The following FYB1 variants were observed in gnomAD, a reference collection of about 807,000 sequenced individuals.
FYB1 encodes FYN binding protein 1.
A neutral mutation model predicts 94.1 loss-of-function variants in FYB1; 41 were observed. That is an observed-to-expected ratio of 0.44 (90% CI 0.34 to 0.57). FYB1 has a LOEUF of 0.57. Ranked by LOEUF, FYB1 falls within the 20% of genes least tolerant of loss-of-function variation. The probability of loss-of-function intolerance (pLI) is 0.02; values close to 1 mark genes in which losing one functional copy is unlikely to be tolerated. For missense variants in FYB1, 1,050 were observed against 976.8 expected, an observed-to-expected ratio of 1.07 and a Z score of -1.00; for synonymous variants, 367 against 353.2, an observed-to-expected ratio of 1.04 and a Z score of -0.44.
At position 39,153,534 on chromosome 5, in the gene FYB1, G is replaced by A; in HGVS notation, c.1206C>T (p.Ser402=). 5 of 1,613,908 alleles carry A rather than the reference G, an allele frequency of 3.1e-6. No homozygotes were observed. Among genetic ancestry groups the A allele is most frequent in the Non-Finnish European group, 4.2e-6 (5 of 1,179,854 alleles). ...GGTGAGATGCTGGCAATGGTGGTTG[G>A]CTGGCCGGATGGGATGGTGGAGGTG... ...LPPPPPSHPA[S]QPPLPASHPS... Residue 402 remains serine (S), a synonymous_variant, in exon 3 of 19, where the codon AGC becomes AGT. Transcript: ENST00000512982.
At chr5:39,225,138 A>AT (rs1464280322) in intron 1 of FYB1, among the ~76,000 whole-genome samples, 1 of 152,182 alleles carries the variant, frequency 6.6e-6, no homozygotes, top group Non-Finnish European at 1.5e-5. Context: ...GTCACTGAAG[A>AT]TTTTTGGTTT....
intron 1 of FYB1, among the ~76,000 whole-genome samples, chr5:39,203,545 T>G (rs925024456): frequency 6.6e-6 from 1 of 152,186 alleles, no homozygotes; most frequent in Non-Finnish European, 1.5e-5. Flanking sequence ...AACAGGGAGA[T>G]GTGGCAGAAA....
chr5:39,137,034 G>C (rs1037603377), intron 7 of FYB1, among the ~76,000 whole-genome samples: 1 of 152,120 alleles, frequency 6.6e-6, no homozygotes, highest in Admixed American at 6.6e-5. Context: ...AATTACCAGA[G>C]ATCAGAGAAT....
At chr5:39,114,374 T>G (rs1286965450) in intron 16 of FYB1, among the ~76,000 whole-genome samples, 1 of 152,204 alleles carries the variant, frequency 6.6e-6, no homozygotes, top group African/African-American at 2.4e-5. Context: ...GGGTGAGACT[T>G]GATCGAATGT....
intron 7 of FYB1, among the ~76,000 whole-genome samples, chr5:39,136,409 C>T (rs1741685705): frequency 6.6e-6 from 1 of 152,062 alleles, no homozygotes; most frequent in Non-Finnish European, 1.5e-5. Context: ...ATTAATTTTT[C>T]ACTTGAAAAA....
Position 39,105,379 on chromosome 5 carries a change from A to C in FYB1, c.*2064T>G, listed in dbSNP as rs2150244523. On this transcript the variant is annotated 3_prime_UTR_variant, in exon 19 of 19. Coordinates refer to ENST00000512982, the MANE Select transcript of FYB1 (RefSeq NM_001465.6). ...TTCAAATATCTTTCACATTAAGATG[A>C]TTATCTATTGTGTAAATCTTTCCTA... The C allele has an allele frequency of 6.6e-6, 1 of 152,296 alleles. No homozygotes were observed. The highest frequency in any genetic ancestry group is 1.9e-4 in the East Asian group (1 of 5,186). 9.4% of individuals were successfully genotyped at this position (152,296 alleles called of 1,614,324 possible). A position where few individuals can be genotyped will look rare whatever the true frequency, so the allele number is the denominator to read the frequency against.
At chr5:39,132,130 G>A (rs1355658517) in intron 9 of FYB1, among the ~76,000 whole-genome samples, 1 of 152,190 alleles carries the variant, frequency 6.6e-6, no homozygotes, top group African/African-American at 2.4e-5. Flanking sequence ...CAGGGGCTGT[G>A]CTTTGAAGCC....
chr5:39,214,657 G>T (rs1749700178), intron 1 of FYB1, among the ~76,000 whole-genome samples: 1 of 152,252 alleles, frequency 6.6e-6, no homozygotes, highest in African/African-American at 2.4e-5. Context: ...GCTGGGTGCT[G>T]TGGCTCATGC....
intron 2 of FYB1, among the ~76,000 whole-genome samples, chr5:39,171,941 A>G (rs1745284601): frequency 6.6e-6 from 1 of 152,186 alleles, no homozygotes; most frequent in Non-Finnish European, 1.5e-5. Context: ...AGGAAGTGAC[A>G]AGCAGGGGTG....
chr5:39,154,679 A>T (rs1743589430), intron 2 of FYB1, among the ~76,000 whole-genome samples: 1 of 151,654 alleles, frequency 6.6e-6, no homozygotes, highest in Admixed American at 6.6e-5. Context: ...GCTAATTTTT[A>T]TATTTTTATT....
In FYB1 at chr5:39,134,848, C is replaced by T. The variant is rs773033973; in HGVS notation, c.1675+7G>A. ...TACTTCGAAGCCATAGAGAAATTTGCACTCACATGAACCCCTTGCTGTTCT... is the reference window on the plus strand; with the variant it reads ...TACTTCGAAGCCATAGAGAAATTTGTACTCACATGAACCCCTTGCTGTTCT... On this transcript the variant is annotated splice_region_variant and intron_variant, in intron 8 of 18. Coordinates refer to ENST00000512982, the MANE Select transcript of FYB1 (RefSeq NM_001465.6). The T allele has an allele frequency of 6.2e-7, 1 of 1,613,020 alleles. No individual in the cohort carries two copies. The highest frequency in any genetic ancestry group is 8.5e-7 in the Non-Finnish European group (1 of 1,179,410).
chr5:39,261,338 A>ACACACG (rs1752205571), intron 1 of FYB1, among the ~76,000 whole-genome samples: 1 of 428 alleles, frequency 2.3e-3, no homozygotes, highest in Non-Finnish European at 0.022. Context: ...GTAGATTAAG[A>ACACACG]CACACACACA....
intron 1 of FYB1, among the ~76,000 whole-genome samples, chr5:39,264,431 G>A (rs1180450706): frequency 6.6e-6 from 1 of 152,194 alleles, no homozygotes; most frequent in African/African-American, 2.4e-5. Flanking sequence ...GAGCTACCCA[G>A]TCTAAGGTGT....
At chr5:39,197,463 T>C (rs1386133064) in intron 2 of FYB1, among the ~76,000 whole-genome samples, 2 of 152,192 alleles carry the variant, frequency 1.3e-5, no homozygotes, top group Non-Finnish European at 2.9e-5. Context: ...TCTCAAAAAA[T>C]TTTAGGGTCT....
chr5:39,158,709 G>C (rs1743979193), intron 2 of FYB1, among the ~76,000 whole-genome samples: 1 of 152,078 alleles, frequency 6.6e-6, no homozygotes, highest in African/African-American at 2.4e-5. Flanking sequence ...TGACTAAGAA[G>C]GTACCTAAAG....
chr5:39,118,977 T>C lies in FYB1; in HGVS notation c.2298A>G (p.Lys766=), dbSNP rs1739826184. The change falls in exon 16 of 19, where the codon AAA becomes AAG. Residue 766 remains lysine, a synonymous_variant. Transcript: ENST00000512982. ...STKVTTSITS[K]KWGTRDLQVK... ...CCTGTAGATCTCTGGTTCCCCACTT[T>C]TTAGAAGTTATGGAAGTTGTAACTT... 3 of 1,564,920 alleles carry C rather than the reference T, an allele frequency of 1.9e-6. No homozygotes were observed. The highest frequency in any genetic ancestry group is 2.7e-5 in the African/African-American group (2 of 73,706).
intron 2 of FYB1, among the ~76,000 whole-genome samples, chr5:39,163,560 A>T (rs947057859): frequency 2.6e-5 from 4 of 152,210 alleles, no homozygotes; most frequent in African/African-American, 9.6e-5. Flanking sequence ...TTAAAAATTC[A>T]CCTCCCCAAT....
intron 2 of FYB1, among the ~76,000 whole-genome samples, chr5:39,172,773 A>AT (rs1204931876): frequency 6.6e-6 from 1 of 152,228 alleles, no homozygotes; most frequent in Non-Finnish European, 1.5e-5. Context: ...TGCAAAGGAC[A>AT]TGACTTCATT....
intron 1 of FYB1, chr5:39,250,849 A>C (rs576554558): frequency 9.8e-5 from 15 of 152,292 alleles, no homozygotes; most frequent in African/African-American, 3.6e-4. Flanking sequence ...ATAAGGAAAA[A>C]CAAAAATGGA....
Sources: allele counts gnomAD v4.1 joint callset (sites outside exome capture counted in the v4.1 genomes callset), GRCh38; gene constraint gnomAD v4.1.1; transcripts MANE v1.5; gene names NCBI Gene and HGNC (gene_info 2026-07-23, HGNC 2026-07-21).